SPHKAP: variants seen among roughly 807,000 people sequenced by gnomAD.
The protein encoded by SPHKAP is A-kinase anchor protein SPHKAP.
In SPHKAP, 67 loss-of-function variants were observed where a neutral mutation model predicts 137.5. The observed-to-expected ratio is 0.49, with a 90% confidence interval of 0.40 to 0.60. The LOEUF is 0.60. SPHKAP is among the 20% of genes least tolerant of loss of function. The pLI, the probability that SPHKAP is intolerant of heterozygous loss-of-function variation, is 0.00. For missense variants in SPHKAP, 2,097 were observed against 2,069.3 expected, an observed-to-expected ratio of 1.01 and a Z score of -0.26; for synonymous variants, 813 against 785.3, an observed-to-expected ratio of 1.04 and a Z score of -0.59.
Position 227,995,655 on chromosome 2 carries a change from G to A in SPHKAP, c.4488C>T (p.Ala1496=), listed in dbSNP as rs1348499967. The change falls in exon 8 of 12, where the codon GCC becomes GCT. Residue 1496 remains alanine, a synonymous_variant. Transcript: ENST00000392056. ...CATCGGGGGCTCTGGCTTCTGTGGA[G>A]GCTTCAGCCTCTGGTACATCTCTGG... is the stretch of plus-strand genomic sequence containing the variant. ...LDTRDVPEAE[A]STEARAPDEA... 1 of 1,611,826 alleles carries A rather than the reference G, an allele frequency of 6.2e-7. No homozygotes were observed. The highest frequency in any genetic ancestry group is 1.1e-5 in the South Asian group (1 of 90,852).
intron 1 of SPHKAP, among the ~76,000 whole-genome samples, chr2:228,143,561 T>A (rs909554444): frequency 6.6e-6 from 1 of 151,974 alleles, no homozygotes; most frequent in African/African-American, 2.4e-5. Context: ...AGTGGTGTGA[T>A]CTTGGTTCAC....
chr2:228,073,554 G>T, intron 3 of SPHKAP, among the ~76,000 whole-genome samples: 1 of 152,202 alleles, frequency 6.6e-6, no homozygotes, highest in Non-Finnish European at 1.5e-5. Flanking sequence ...CTGCCTCTCA[G>T]GAAGGGCTAA....
chr2:228,032,671 C>A (rs1232074530), intron 3 of SPHKAP, among the ~76,000 whole-genome samples: 1 of 152,196 alleles, frequency 6.6e-6, no homozygotes, highest in Non-Finnish European at 1.5e-5. Context: ...AGACTAACAG[C>A]TGATCTCTTG....
At position 228,019,181 on chromosome 2, in the gene SPHKAP, A is replaced by G; in HGVS notation, c.1673T>C (p.Leu558Ser). ...SINEYSFPSALCGMTQVASAV... is the reference protein window; with the variant it reads ...SINEYSFPSASCGMTQVASAV... ...ACTGGCCACCTGAGTCATGCCACAC[A>G]AAGCAGATGGAAAGGAGTACTCATT... The change falls in exon 7 of 12, where the codon TTG (leucine) becomes TCG (serine). Residue 558 changes from leucine (L) to serine (S), a missense_variant. Coordinates refer to ENST00000392056, the MANE Select transcript of SPHKAP (RefSeq NM_001142644.2). The G allele has an allele frequency of 6.2e-7, 1 of 1,613,790 alleles. No individual in the cohort carries two copies. Among genetic ancestry groups the G allele is most frequent in the Non-Finnish European group, 8.5e-7 (1 of 1,180,032 alleles).
intron 4 of SPHKAP, 48 bp downstream of exon 4, chr2:228,027,436 A>C: frequency 6.3e-7 from 1 of 1,582,018 alleles, no homozygotes; most frequent in Non-Finnish European, 8.7e-7. Flanking sequence ...AATCAAGTTG[A>C]ATAGTCCTTG....
In SPHKAP at chr2:228,016,648, T is replaced by C; in HGVS notation, c.4206A>G (p.Lys1402=). The change falls in exon 7 of 12, where the codon AAA becomes AAG. Residue 1402 remains lysine (K), a synonymous_variant. Coordinates refer to ENST00000392056, the MANE Select transcript of SPHKAP (RefSeq NM_001142644.2). ...SLTNHSPLDS[K]KETSSCQDPV... ...GGTCCTGGCACGAGGAAGTTTCTTT[T>C]TTAGAATCTAAAGGGCTGTGGTTTG... 2 of 1,613,742 alleles carry C rather than the reference T, an allele frequency of 1.2e-6. No individual in the cohort carries two copies. The highest frequency in any genetic ancestry group is 1.7e-6 in the Non-Finnish European group (2 of 1,179,940).
intron 2 of SPHKAP, among the ~76,000 whole-genome samples, chr2:228,121,296 G>A (rs1032806610): frequency 1.3e-5 from 2 of 152,128 alleles, no homozygotes; most frequent in East Asian, 3.9e-4. Flanking sequence ...GATGACTTGA[G>A]GCCAGGAGTT....
intron 2 of SPHKAP, among the ~76,000 whole-genome samples, chr2:228,131,547 TAATAA>T (rs1699251286): frequency 6.6e-6 from 1 of 152,098 alleles, no homozygotes; most frequent in Non-Finnish European, 1.5e-5. Flanking sequence ...CTGTTTTTCT[TAATAA>T]AATAAGCCCA....
intron 3 of SPHKAP, among the ~76,000 whole-genome samples, chr2:228,069,898 G>A (rs981142403): frequency 7.2e-5 from 11 of 152,276 alleles, no homozygotes; most frequent in African/African-American, 1.7e-4. Flanking sequence ...TCAATACATC[G>A]TGGTGTTGCC....
intron 2 of SPHKAP, among the ~76,000 whole-genome samples, chr2:228,112,634 G>A (rs777004258): frequency 6.6e-6 from 1 of 152,058 alleles, no homozygotes; most frequent in South Asian, 2.1e-4. Flanking sequence ...CTCCCACTGC[G>A]AAGATTCCAG....
intron 3 of SPHKAP, among the ~76,000 whole-genome samples, chr2:228,065,971 TCAGAACAATACAAG>T (rs1696815932): frequency 6.6e-6 from 1 of 152,092 alleles, no homozygotes; most frequent in Non-Finnish European, 1.5e-5. Flanking sequence ...CAAAAACGTG[TCAGAACAATACAAG>T]TGAGAGAAGC....
chr2:228,093,025 C>G (rs543587640), intron 3 of SPHKAP, among the ~76,000 whole-genome samples: 1 of 152,114 alleles, frequency 6.6e-6, no homozygotes, highest in African/African-American at 2.4e-5. Context: ...CTCATGTAAC[C>G]AAATACCAAC....
At chr2:228,026,722 G>A (rs1430794766) in intron 4 of SPHKAP, among the ~76,000 whole-genome samples, 3 of 152,088 alleles carry the variant, frequency 2.0e-5, no homozygotes, top group Non-Finnish European at 4.4e-5. Context: ...GATATTTGGG[G>A]CTCGGTGAAA....
rs780312968 is a variant in SPHKAP at position 228,021,759 on chromosome 2, C to A, written c.649G>T (p.Ala217Ser). The A allele has an allele frequency of 5.6e-6, 9 of 1,613,940 alleles. 1 individual carries two copies. The South Asian group carries it at 8.8e-5, about 16-fold the overall frequency. ...CTTTCCTCCTCCAAGTGCTCAGAAGCGGTGAGAAAGTCTTCCTCGATTGAA... is the reference window on the plus strand; with the variant it reads ...CTTTCCTCCTCCAAGTGCTCAGAAGAGGTGAGAAAGTCTTCCTCGATTGAA... ...LSSIEEDFLT[A>S]SEHLEEESEV... Residue 217 changes from alanine to serine, a missense_variant, in exon 6 of 12, where the codon GCT (alanine) becomes TCT (serine). Coordinates refer to ENST00000392056, the MANE Select transcript of SPHKAP (RefSeq NM_001142644.2).
intron 2 of SPHKAP, among the ~76,000 whole-genome samples, chr2:228,111,929 C>T (rs1472563063): frequency 2.0e-5 from 3 of 152,022 alleles, no homozygotes; most frequent in African/African-American, 7.2e-5. Flanking sequence ...TTCTTATGGA[C>T]TTCCATTTTA....
chr2:227,983,272 G>T (rs1693073394), intron 11 of SPHKAP, among the ~76,000 whole-genome samples: 1 of 152,150 alleles, frequency 6.6e-6, no homozygotes, highest in Non-Finnish European at 1.5e-5. Context: ...TCTTCTCCCA[G>T]CTGTGATGGT....
intron 3 of SPHKAP, among the ~76,000 whole-genome samples, chr2:228,074,563 C>A (rs1043342903): frequency 6.6e-6 from 1 of 152,040 alleles, no homozygotes; most frequent in Non-Finnish European, 1.5e-5. Context: ...AGGAAAACAC[C>A]CCCATGATTC....
chr2:228,033,499 G>A (rs1695442525), intron 3 of SPHKAP, among the ~76,000 whole-genome samples: 1 of 152,124 alleles, frequency 6.6e-6, no homozygotes, highest in Non-Finnish European at 1.5e-5. Flanking sequence ...GGATACCCAG[G>A]AATTGAACTC....
At chr2:228,093,739 T>G (rs917108684) in intron 3 of SPHKAP, among the ~76,000 whole-genome samples, 2 of 149,614 alleles carry the variant, frequency 1.3e-5, no homozygotes, top group African/African-American at 4.9e-5. Context: ...GTGCCTGTAA[T>G]CTCAGCTACT....
Sources: gnomAD v4.1 joint callset for allele counts (sites outside exome capture counted in the v4.1 genomes callset) on GRCh38, gnomAD v4.1.1 for gene constraint, MANE v1.5 for transcripts, NCBI Gene and HGNC (gene_info 2026-07-23, HGNC 2026-07-21) for gene names.